Variants in TIAM1 observed in about 807,000 individuals in gnomAD.
TIAM1 encodes rho guanine nucleotide exchange factor TIAM1.
A neutral mutation model predicts 163.5 loss-of-function variants in TIAM1; 65 were observed. The ratio of observed to expected loss-of-function variants is 0.40; its 90% CI spans 0.33 to 0.49. The LOEUF is 0.49. Among genes scored for constraint, TIAM1 ranks in the 20% least tolerant of loss-of-function variants. The pLI, the probability that TIAM1 is intolerant of heterozygous loss-of-function variation, is 0.77. For synonymous variants in TIAM1, 833 were observed against 810.1 expected, an observed-to-expected ratio of 1.03 and a Z score of -0.48; for missense variants, 1,789 against 2,044.7, an observed-to-expected ratio of 0.87 and a Z score of 2.41.
intron 2 of TIAM1, among the ~76,000 whole-genome samples, chr21:31,321,931 T>C (rs553562233): frequency 2.6e-5 from 4 of 151,832 alleles, no homozygotes. Flanking sequence ...TGGGCACCTG[T>C]AATCCCAGCT....
At chr21:31,128,196 T>A (rs1337118949) in intron 25 of TIAM1, among the ~76,000 whole-genome samples, 1 of 152,162 alleles carries the variant, frequency 6.6e-6, no homozygotes, top group Non-Finnish European at 1.5e-5. Context: ...CTAACCAGAA[T>A]CTATCTGCAA....
At chr21:31,232,981 C>A (rs564785352) in intron 6 of TIAM1, among the ~76,000 whole-genome samples, 1 of 152,296 alleles carries the variant, frequency 6.6e-6, no homozygotes, top group African/African-American at 2.4e-5. Flanking sequence ...CAAAAAAATG[C>A]ATTTTGCATA....
At position 31,141,104 on chromosome 21, in the gene TIAM1, AT is replaced by A; in HGVS notation, c.3774+13del. Reference sequence around the variant, plus strand: ...CTTTCCTGACAGATGTCCTGAGAAGATGGGGACCCTCACCTCTTTTTTCTCA... The same window carrying A: ...CTTTCCTGACAGATGTCCTGAGAAGAGGGGACCCTCACCTCTTTTTTCTCA... On this transcript the variant is annotated intron_variant, in intron 22 of 27. Coordinates refer to ENST00000541036, the MANE Select transcript of TIAM1 (RefSeq NM_001353694.2). The surrounding 1 kb of genome is among the most constrained non-coding windows in gnomAD (Gnocchi z 4.7). 6.2e-7 allele frequency: 1 copy of A among 1,601,186 alleles called. No homozygotes were observed.
intron 1 of TIAM1, among the ~76,000 whole-genome samples, chr21:31,540,872 G>A (rs1293761414): frequency 2.0e-5 from 3 of 152,160 alleles, no homozygotes; most frequent in South Asian, 2.1e-4. Context: ...AAGAGAGAGA[G>A]CCGGAGATAT....
intron 1 of TIAM1, among the ~76,000 whole-genome samples, chr21:31,550,490 G>C (rs1369392748): frequency 6.6e-6 from 1 of 152,134 alleles, no homozygotes; most frequent in African/African-American, 2.4e-5. Context: ...AGGAAGGGTA[G>C]AGAAAGGAAG....
intron 1 of TIAM1, among the ~76,000 whole-genome samples, chr21:31,539,105 C>T (rs887569582): frequency 2.0e-5 from 3 of 152,122 alleles, no homozygotes; most frequent in Non-Finnish European, 4.4e-5. Context: ...CACTCTTAAA[C>T]ATCCATTTGC....
intron 20 of TIAM1, 104 bp downstream of exon 20, chr21:31,146,791 G>T: frequency 1.2e-6 from 1 of 805,052 alleles, no homozygotes; most frequent in Non-Finnish European, 2.1e-6. Context: ...ACATCTATCT[G>T]GCAACCAATG....
At position 31,415,234 on chromosome 21, in the gene TIAM1, T is replaced by C. The variant is rs530120852; in HGVS notation, c.-369+48749A>G. ...AAAGTGCTTAGCACAAGGTCAGGAA[T>C]CCTCAGTAAATTTAACCTAAATTTA... On this transcript the variant is annotated intron_variant, in intron 2 of 28. Coordinates refer to the TIAM1 transcript ENST00000286827. Among the ~76,000 whole-genome samples the C allele has an allele frequency of 7.2e-5, 11 of 152,294 alleles. No homozygotes were observed. In the South Asian group the frequency reaches 2.3e-3, roughly 32 times the overall value.
chr21:31,402,281 G>C (rs1291404586), intron 2 of TIAM1, among the ~76,000 whole-genome samples: 1 of 152,084 alleles, frequency 6.6e-6, no homozygotes, highest in African/African-American at 2.4e-5. Flanking sequence ...CTAGAGGAAA[G>C]GTCAGGTAGT....
At chr21:31,300,729 T>C (rs960271671) in intron 2 of TIAM1, among the ~76,000 whole-genome samples, 1 of 152,264 alleles carries the variant, frequency 6.6e-6, no homozygotes, top group Non-Finnish European at 1.5e-5. Context: ...TGACTAAAGA[T>C]GAAAAGAAGC....
At chr21:31,208,897 C>T (rs897983427) in intron 11 of TIAM1, among the ~76,000 whole-genome samples, 1 of 152,110 alleles carries the variant, frequency 6.6e-6, no homozygotes, top group Non-Finnish European at 1.5e-5. Context: ...ATCTTTAAAA[C>T]GTCATTTCAT....
At chr21:31,436,911 T>C (rs2044229188) in intron 2 of TIAM1, among the ~76,000 whole-genome samples, 1 of 152,014 alleles carries the variant, frequency 6.6e-6, no homozygotes, top group Non-Finnish European at 1.5e-5. Context: ...TGAGCTGAGA[T>C]CACTCCACTG....
intron 1 of TIAM1, among the ~76,000 whole-genome samples, chr21:31,538,946 CCA>C (rs979484705): frequency 8.5e-5 from 13 of 152,202 alleles, no homozygotes; most frequent in Non-Finnish European, 1.8e-4. Context: ...AATGGAAACA[CCA>C]CATTTAAACA....
chr21:31,493,370 G>C (rs977892474), intron 1 of TIAM1, among the ~76,000 whole-genome samples: 1 of 152,156 alleles, frequency 6.6e-6, no homozygotes, highest in Non-Finnish European at 1.5e-5. Context: ...TAAAATGATA[G>C]CTTTAAATGA....
intron 2 of TIAM1, among the ~76,000 whole-genome samples, chr21:31,283,874 T>G (rs764218463): frequency 1.4e-4 from 22 of 152,286 alleles, no homozygotes; most frequent in African/African-American, 4.3e-4. Flanking sequence ...GCAAAGCTAC[T>G]GAACACTTGG....
intron 2 of TIAM1, among the ~76,000 whole-genome samples, chr21:31,444,859 A>G (rs1256625659): frequency 3.3e-5 from 5 of 152,128 alleles, no homozygotes; most frequent in Non-Finnish European, 7.4e-5. Flanking sequence ...TTAGCAATGC[A>G]TGGTCGCACA....
intron 2 of TIAM1, among the ~76,000 whole-genome samples, chr21:31,379,549 G>A (rs531446312): frequency 6.6e-5 from 10 of 151,650 alleles, no homozygotes; most frequent in Admixed American, 3.9e-4. Flanking sequence ...ATGTGAAAAC[G>A]TATGTCCACA....
intron 2 of TIAM1, among the ~76,000 whole-genome samples, chr21:31,440,179 G>A (rs1471391663): frequency 1.3e-5 from 2 of 152,166 alleles, no homozygotes; most frequent in Non-Finnish European, 2.9e-5. Flanking sequence ...ATATTCAATC[G>A]AGAAAGCATC....
upstream of TIAM1, among the ~76,000 whole-genome samples, chr21:31,344,721 T>C (rs2076113952): frequency 6.6e-6 from 1 of 152,176 alleles, no homozygotes; most frequent in African/African-American, 2.4e-5. Flanking sequence ...TTGGCTGCCT[T>C]TTCTTTCATA....
Sources: gnomAD v4.1 joint callset for allele counts (sites outside exome capture counted in the v4.1 genomes callset) on GRCh38, gnomAD v4.1.1 for gene constraint, Gnocchi (gnomAD v3.1) non-coding constraint, MANE v1.5 for transcripts, NCBI Gene and HGNC (gene_info 2026-07-23, HGNC 2026-07-21) for gene names.